ZBTB2: variants seen among roughly 807,000 people sequenced by gnomAD.
ZBTB2 encodes the protein zinc finger and BTB domain containing 2.
In ZBTB2, 2 loss-of-function variants were observed where a neutral mutation model predicts 39.5. The ratio of observed to expected loss-of-function variants is 0.05; its 90% CI spans 0.02 to 0.16. ZBTB2 has a LOEUF of 0.16. Among genes scored for constraint, ZBTB2 ranks in the 10% least tolerant of loss-of-function variants. The pLI is 1.00. For synonymous variants in ZBTB2, 251 were observed against 256.6 expected, an observed-to-expected ratio of 0.98 and a Z score of 0.21; for missense variants, 391 against 653.0, an observed-to-expected ratio of 0.60 and a Z score of 4.37.
At chr6:151,388,591 TCTTGG>T (rs1582926187) in intron 1 of ZBTB2, among the ~76,000 whole-genome samples, 1 of 152,230 alleles carries the variant, frequency 6.6e-6, no homozygotes, top group African/African-American at 2.4e-5. Context: ...GGTTTTGAAC[TCTTGG>T]CTTCAAGCAA....
intron 1 of ZBTB2, among the ~76,000 whole-genome samples, chr6:151,390,309 C>T (rs1225755750): frequency 4.2e-5 from 6 of 142,634 alleles, no homozygotes; most frequent in Non-Finnish European, 7.7e-5. Flanking sequence ...GGCGCGGCGC[C>T]GGGGCCCTCT....
chr6:151,366,329 C>G lies in ZBTB2; in HGVS notation c.737G>C (p.Arg246Thr). Residue 246 changes from arginine to threonine, a missense_variant, in exon 3 of 3, where the codon AGG becomes ACG. Around this residue, in one of 7 missense-constraint regions of ZBTB2, gnomAD observed 175 missense variants for 198.6 expected, o/e 0.88. Transcript: ENST00000325144. The surrounding 1 kb of genome is among the most constrained non-coding windows in gnomAD (Gnocchi z 7.1). ...ATAGTACTTTGGAAAGCTCCCATTC[C>G]TCTTCATGATGCTTGGCTTGACGTG... ...IAHVKPSIMK[R>T]NGSFPKYYAC... 6.2e-7 allele frequency: 1 copy of G among 1,614,158 alleles called. No individual in the cohort carries two copies. The highest frequency in any genetic ancestry group is 8.5e-7 in the Non-Finnish European group (1 of 1,180,036).
chr6:151,370,199 G>A (rs1231272519), intron 2 of ZBTB2: 8 of 504,514 alleles, frequency 1.6e-5, no homozygotes, highest in African/African-American at 8.4e-5. Flanking sequence ...GCAGTGACAC[G>A]ATCTCGGCTT....
intron 1 of ZBTB2, among the ~76,000 whole-genome samples, chr6:151,376,816 A>G (rs572877764): frequency 6.6e-5 from 10 of 152,364 alleles, no homozygotes; most frequent in African/African-American, 1.9e-4. Flanking sequence ...TGCAACTACC[A>G]CATGACCCAG....
intron 1 of ZBTB2, among the ~76,000 whole-genome samples, chr6:151,390,503 C>A (rs1284012010): frequency 1.3e-5 from 2 of 150,484 alleles, no homozygotes; most frequent in Non-Finnish European, 3.0e-5. Flanking sequence ...CTACGCCGTG[C>A]GCAACGCCCC....
intron 1 of ZBTB2, among the ~76,000 whole-genome samples, chr6:151,377,643 G>A (rs867231812): frequency 6.7e-6 from 1 of 149,648 alleles, no homozygotes; most frequent in Non-Finnish European, 1.5e-5. Context: ...GGGTTCAAGC[G>A]ATTCTCCCGC....
At chr6:151,367,821 A>C (rs1487380804) in intron 2 of ZBTB2, among the ~76,000 whole-genome samples, 2 of 152,208 alleles carry the variant, frequency 1.3e-5, no homozygotes, top group Non-Finnish European at 2.9e-5. Context: ...TAATTTTATA[A>C]CTTTAGATTC....
At chr6:151,369,451 G>A (rs1436430097) in intron 2 of ZBTB2, among the ~76,000 whole-genome samples, 1 of 151,998 alleles carries the variant, frequency 6.6e-6, no homozygotes, top group African/African-American at 2.4e-5. Context: ...CTCCTGAGTA[G>A]CTCAGACTAT....
At chr6:151,373,038 C>T (rs1477669825) in intron 2 of ZBTB2, among the ~76,000 whole-genome samples, 4 of 151,364 alleles carry the variant, frequency 2.6e-5, no homozygotes, top group African/African-American at 2.4e-5. Flanking sequence ...GCCTGTAGTC[C>T]CAGCTACTCG....
rs1778621676 is a variant in ZBTB2, at chr6:151,365,432, T to C, written c.*89A>G. ...AGAGAACAAGGACCTGTTTGTATCA[T>C]GCCATGGAGAACTACAGTTCTGAAT... On this transcript the variant is annotated 3_prime_UTR_variant, in exon 3 of 3. Coordinates refer to ENST00000325144, the MANE Select transcript of ZBTB2 (RefSeq NM_020861.3). The surrounding 1 kb of genome is among the most constrained non-coding windows in gnomAD (Gnocchi z 5.6). The C allele has an allele frequency of 7.0e-7, 1 of 1,431,280 alleles. No individual in the cohort carries two copies. The highest frequency in any genetic ancestry group is 9.5e-7 in the Non-Finnish European group (1 of 1,056,298). The allele number at this position is 1,431,280 out of a possible 1,614,324, so 88.7% of individuals were successfully genotyped here.
chr6:151,372,761 G>A (rs754910508), intron 2 of ZBTB2, among the ~76,000 whole-genome samples: 10 of 152,192 alleles, frequency 6.6e-5, no homozygotes, highest in Non-Finnish European at 1.5e-4. Context: ...GGATACTCAG[G>A]GGACTGGGGC....
intron 1 of ZBTB2, among the ~76,000 whole-genome samples, chr6:151,380,304 T>A (rs1219101734): frequency 1.3e-5 from 2 of 152,232 alleles, no homozygotes. Flanking sequence ...GTTCCATATG[T>A]GAACTGCCTG....
At chr6:151,384,456 G>C (rs934042379) in intron 1 of ZBTB2, among the ~76,000 whole-genome samples, 1 of 152,200 alleles carries the variant, frequency 6.6e-6, no homozygotes, top group African/African-American at 2.4e-5. Context: ...GATGGACCCA[G>C]GTGGTACTGA....
chr6:151,372,307 G>T (rs562202212), intron 2 of ZBTB2, among the ~76,000 whole-genome samples: 9 of 152,320 alleles, frequency 5.9e-5, no homozygotes, highest in Admixed American at 1.3e-4. Context: ...AGAAAAGACT[G>T]CAGCAGAATG....
intron 1 of ZBTB2, among the ~76,000 whole-genome samples, chr6:151,387,295 A>G (rs529603353): frequency 6.6e-6 from 1 of 152,150 alleles, no homozygotes; most frequent in South Asian, 2.1e-4. Context: ...TTTTAACATC[A>G]TCTGTTGGTC....
intron 1 of ZBTB2, among the ~76,000 whole-genome samples, chr6:151,389,583 A>C (rs770927817): frequency 2.0e-5 from 3 of 152,214 alleles, no homozygotes; most frequent in Non-Finnish European, 2.9e-5. Flanking sequence ...AGTTCTGATA[A>C]TTCTGACCTT....
At chr6:151,388,577 G>C (rs1447946375) in intron 1 of ZBTB2, among the ~76,000 whole-genome samples, 1 of 152,126 alleles carries the variant, frequency 6.6e-6, no homozygotes, top group East Asian at 1.9e-4. Flanking sequence ...ATGTTACCCA[G>C]GTTGGTTTTG....
intron 2 of ZBTB2, among the ~76,000 whole-genome samples, chr6:151,371,384 C>G (rs991615300): frequency 1.3e-5 from 2 of 152,180 alleles, no homozygotes; most frequent in African/African-American, 4.8e-5. Context: ...CATATGCACT[C>G]TTATAAAGGA....
chr6:151,367,137 T>C (rs1192186305), intron 2 of ZBTB2, among the ~76,000 whole-genome samples: 1 of 152,050 alleles, frequency 6.6e-6, no homozygotes, highest in Non-Finnish European at 1.5e-5. Flanking sequence ...TTTTTTTTTT[T>C]TGAGGCGGAG....
Sources: allele counts gnomAD v4.1 joint callset (sites outside exome capture counted in the v4.1 genomes callset), GRCh38; gene constraint gnomAD v4.1.1; regional missense constraint gnomAD v4.1.1; non-coding constraint Gnocchi (gnomAD v3.1); transcripts MANE v1.5; gene names NCBI Gene and HGNC (gene_info 2026-07-23, HGNC 2026-07-21).